SMG5: variants seen among roughly 807,000 people sequenced by gnomAD.
The protein encoded by SMG5 is SMG5 nonsense mediated mRNA decay factor.
In SMG5, 53 loss-of-function variants were observed where a neutral mutation model predicts 122.9. The observed-to-expected ratio is 0.43, with a 90% CI of 0.35 to 0.54. SMG5 has a LOEUF of 0.54. Among genes scored for constraint, SMG5 ranks in the 20% least tolerant of loss-of-function variants. The pLI is 0.01. For synonymous variants in SMG5, 477 were observed against 490.2 expected (o/e 0.97, Z 0.35); for missense variants, 1,153 against 1,285.6 (o/e 0.90, Z 1.58).
At chr1:156,250,789 TG>T in intron 21 of SMG5, 68 bp downstream of exon 21, 1 of 1,606,946 alleles carries the variant, frequency 6.2e-7, no homozygotes, top group Non-Finnish European at 8.5e-7. Context: ...GTGGAGGGTC[TG>T]GGGATGGAGT....
At chr1:156,251,299 G>A in intron 20 of SMG5, 104 bp downstream of exon 20, 1 of 1,349,388 alleles carries the variant, frequency 7.4e-7, no homozygotes, top group South Asian at 1.2e-5. Context: ...CAGGCTACGT[G>A]TGGAGCCTCA....
At chr1:156,259,789 A>AGC (rs1661740551) in intron 15 of SMG5, among the ~76,000 whole-genome samples, 1 of 152,016 alleles carries the variant, frequency 6.6e-6, no homozygotes, top group Non-Finnish European at 1.5e-5. Flanking sequence ...CTTGGCCCCC[A>AGC]ACCAAGTGCT....
chr1:156,285,808 C>A (rs1186185933), upstream of SMG5: 2 of 1,613,654 alleles, frequency 1.2e-6, no homozygotes, highest in Non-Finnish European at 8.5e-7. Flanking sequence ...GCTGTGGAGA[C>A]CGTGAGTGGC....
chr1:156,285,710 C>A, upstream of SMG5: 5 of 1,613,386 alleles, frequency 3.1e-6, no homozygotes, highest in Non-Finnish European at 4.2e-6. Flanking sequence ...CTTCATGCCC[C>A]CCCGGGTCAC....
chr1:156,280,406 C>T (rs866389800), intron 1 of SMG5, among the ~76,000 whole-genome samples: 1 of 152,232 alleles, frequency 6.6e-6, no homozygotes, highest in African/African-American at 2.4e-5. Context: ...AGCTGCCCTA[C>T]ACAGGGTGAA....
upstream of SMG5, chr1:156,285,092 G>A (rs1441657410): frequency 8.8e-7 from 1 of 1,135,388 alleles, no homozygotes; most frequent in South Asian, 2.2e-5. Context: ...AACCCATGAA[G>A]CCAGTTGCCC....
intron 16 of SMG5, among the ~76,000 whole-genome samples, chr1:156,256,306 CTCTCTTTTTTT>C (rs1661573586): frequency 7.2e-6 from 1 of 138,202 alleles, no homozygotes. Flanking sequence ...GAGCCATCTT[CTCTCTTTTTTT>C]TTTTTTTTTT....
At chr1:156,287,347 C>T (rs145397005), upstream of SMG5, among the ~76,000 whole-genome samples, 1,516 of 152,092 alleles carry the variant, frequency 1.0e-2, 25 homozygotes, top group African/African-American at 0.035. Context: ...ACCTGGGAGG[C>T]GGAGGTTGCA....
chr1:156,281,223 G>T (rs1662920098), intron 1 of SMG5, among the ~76,000 whole-genome samples: 1 of 152,228 alleles, frequency 6.6e-6, no homozygotes, highest in African/African-American at 2.4e-5. Context: ...TGTGCACACA[G>T]GTAAGCCACA....
upstream of SMG5, chr1:156,285,746 T>G (rs774820158): frequency 4.3e-6 from 7 of 1,613,220 alleles, no homozygotes; most frequent in East Asian, 1.6e-4. Context: ...TGAGCGCAAG[T>G]GGGCTGAGGC....
chr1:156,257,177 T>C (rs1661617595), intron 16 of SMG5, among the ~76,000 whole-genome samples: 3 of 152,158 alleles, frequency 2.0e-5, no homozygotes, highest in African/African-American at 7.2e-5. Flanking sequence ...TCCGCCCGCC[T>C]TGGCCTCCCA....
At chr1:156,261,890 CAAA>C (rs61569049) in intron 13 of SMG5, among the ~76,000 whole-genome samples, 21,744 of 90,118 alleles carry the variant, frequency 0.24, 2,418 homozygotes, top group Admixed American at 0.29. Flanking sequence ...AACTCCTTCT[CAAA>C]AAAAAAAAAA....
At chr1:156,280,272 A>G (rs1662879679) in intron 1 of SMG5, among the ~76,000 whole-genome samples, 1 of 152,228 alleles carries the variant, frequency 6.6e-6, no homozygotes, top group African/African-American at 2.4e-5. Context: ...ACAACTGTGG[A>G]CACAAAAGCA....
At chr1:156,282,573 T>C (rs766486172) in intron 1 of SMG5, 34 bp downstream of exon 1, 1 of 1,527,426 alleles carries the variant, frequency 6.5e-7, no homozygotes. Flanking sequence ...CCCACTTCCC[T>C]CGGTGGCTGC....
At chr1:156,265,180 C>T (rs1247586883) in intron 12 of SMG5, among the ~76,000 whole-genome samples, 2 of 150,226 alleles carry the variant, frequency 1.3e-5, no homozygotes, top group African/African-American at 2.5e-5. Context: ...GCCAAGATGG[C>T]GCCACTGCAC....
rs550276416 is a variant in SMG5 at position 156,282,652 on chromosome 1, C to T, written c.29G>A (p.Ser10Asn). The T allele has an allele frequency of 1.1e-5, 18 of 1,607,704 alleles. 1 individual carries two copies. Among genetic ancestry groups the T allele is most frequent in the Middle Eastern group, 3.3e-4 (2 of 6,060 alleles). Residue 10 changes from serine to asparagine, a missense_variant, in exon 1 of 22, where the codon AGC (serine) becomes AAC (asparagine). Coordinates refer to ENST00000361813, the MANE Select transcript of SMG5 (RefSeq NM_015327.3). Reference protein sequence around the residue: MSQGPPTGESSEPEAKVLHT... With the variant: MSQGPPTGENSEPEAKVLHT... ...GAGGACTTTTGCTTCGGGCTCGCTG[C>T]TCTCCCCTGTGGGGGGGCCTTGGCT...
intron 19 of SMG5, among the ~76,000 whole-genome samples, chr1:156,252,181 C>T (rs1661383278): frequency 1.3e-5 from 2 of 152,248 alleles, no homozygotes; most frequent in African/African-American, 4.8e-5. Context: ...AGGACAGCAG[C>T]TCAGTGCTCC....
At chr1:156,264,514 C>G (rs988613554) in intron 12 of SMG5, among the ~76,000 whole-genome samples, 2 of 152,110 alleles carry the variant, frequency 1.3e-5, no homozygotes, top group African/African-American at 4.8e-5. Context: ...ACTGGGGAGA[C>G]AGACAAATCA....
At position 156,260,629 on chromosome 1, in the gene SMG5, G is replaced by A. The variant is rs754343235; in HGVS notation, c.2108-3C>T. Reference sequence around the variant, plus strand: ...GACCTCAGGACACAAGGCCAGGCCTGGGCAGAAGAAGGACACATAAGACCA... The same window carrying A: ...GACCTCAGGACACAAGGCCAGGCCTAGGCAGAAGAAGGACACATAAGACCA... On this transcript the variant is annotated splice_region_variant and splice_polypyrimidine_tract_variant and intron_variant, in intron 14 of 21. Transcript: ENST00000361813. 2 of 1,495,358 alleles carry A rather than the reference G, an allele frequency of 1.3e-6. No homozygotes were observed. The highest frequency in any genetic ancestry group is 1.8e-6 in the Non-Finnish European group (2 of 1,126,220). The allele number at this position is 1,495,358 out of a possible 1,614,324, so 92.6% of individuals were successfully genotyped here.
Sources: gnomAD v4.1 joint callset for allele counts (sites outside exome capture counted in the v4.1 genomes callset) on GRCh38, gnomAD v4.1.1 for gene constraint, MANE v1.5 for transcripts, NCBI Gene and HGNC (gene_info 2026-07-23, HGNC 2026-07-21) for gene names.